SHISA9: variants seen among roughly 807,000 people sequenced by gnomAD.
SHISA9 encodes the protein protein shisa-9.
A neutral mutation model predicts 38.0 loss-of-function variants in SHISA9; 13 were observed. The ratio of observed to expected loss-of-function variants is 0.34; its 90% CI spans 0.22 to 0.54. SHISA9 has a LOEUF of 0.54. SHISA9 is among the 20% of genes least tolerant of loss of function. The pLI is 0.91. For synonymous variants in SHISA9, 275 were observed against 242.0 expected, an observed-to-expected ratio of 1.14 and a Z score of -1.27; for missense variants, 538 against 575.8, an observed-to-expected ratio of 0.93 and a Z score of 0.67.
At chr16:13,495,064 G>A in the SHISA9 span, among the ~76,000 whole-genome samples, 1 of 152,132 alleles carries the variant, frequency 6.6e-6, no homozygotes, top group African/African-American at 2.4e-5. Flanking sequence ...TTGTTGCCAA[G>A]GTATAAAGAC....
chr16:13,357,931 A>G, the SHISA9 span, among the ~76,000 whole-genome samples: 8 of 152,092 alleles, frequency 5.3e-5, no homozygotes, highest in Non-Finnish European at 1.2e-4. Flanking sequence ...GTGGAATGTC[A>G]TCAGTTAAGG....
the SHISA9 span, among the ~76,000 whole-genome samples, chr16:13,545,865 T>C: frequency 2.0e-5 from 3 of 152,136 alleles, no homozygotes; most frequent in African/African-American, 7.2e-5. Flanking sequence ...TGGGCCACAA[T>C]GATTGGTTCA....
intron 2 of SHISA9, among the ~76,000 whole-genome samples, chr16:12,934,141 G>A (rs1414822102): frequency 2.0e-5 from 3 of 152,192 alleles, no homozygotes; most frequent in African/African-American, 7.2e-5. Flanking sequence ...CTGAAGTCTG[G>A]CAAGGGAGGG....
At chr16:13,043,238 G>C (rs1181047816) in intron 2 of SHISA9, among the ~76,000 whole-genome samples, 1 of 152,114 alleles carries the variant, frequency 6.6e-6, no homozygotes, top group Non-Finnish European at 1.5e-5. Context: ...TCCCGTGGGA[G>C]GTCTCAACAG....
At chr16:13,259,623 C>G in the SHISA9 span, among the ~76,000 whole-genome samples, 8 of 152,218 alleles carry the variant, frequency 5.3e-5, no homozygotes, top group Non-Finnish European at 8.8e-5. Flanking sequence ...GCCAAGGTTC[C>G]CAAACCTCAG....
At chr16:12,939,504 T>G (rs961946) in intron 2 of SHISA9, among the ~76,000 whole-genome samples, 1 of 152,160 alleles carries the variant, frequency 6.6e-6, no homozygotes, top group East Asian at 1.9e-4. Context: ...GTACTTTGAA[T>G]GGAATCCTGC....
chr16:13,272,750 T>A, the SHISA9 span, among the ~76,000 whole-genome samples: 10 of 152,360 alleles, frequency 6.6e-5, no homozygotes, highest in African/African-American at 2.2e-4. Flanking sequence ...TTGGAAGATG[T>A]ACAACAGTTA....
intron 2 of SHISA9, among the ~76,000 whole-genome samples, chr16:13,105,232 A>T (rs2073914999): frequency 6.6e-6 from 1 of 152,238 alleles, no homozygotes; most frequent in African/African-American, 2.4e-5. Context: ...GTATACGGCT[A>T]GCAAAATAAT....
At chr16:13,051,053 C>A (rs373201004) in intron 2 of SHISA9, among the ~76,000 whole-genome samples, 1 of 152,128 alleles carries the variant, frequency 6.6e-6, no homozygotes, top group East Asian at 1.9e-4. Context: ...GGTGAATATT[C>A]CTTGAGGTGA....
chr16:12,976,756 A>G (rs749016115), intron 2 of SHISA9, among the ~76,000 whole-genome samples: 3 of 152,142 alleles, frequency 2.0e-5, no homozygotes, highest in Admixed American at 1.3e-4. Context: ...ACAGCAAAAC[A>G]TCATGGTTGA....
At chr16:13,267,144 C>T in the SHISA9 span, among the ~76,000 whole-genome samples, 1 of 151,992 alleles carries the variant, frequency 6.6e-6, no homozygotes, top group African/African-American at 2.4e-5. Flanking sequence ...CAAGTGGGAC[C>T]ATATTCTAAG....
the SHISA9 span, among the ~76,000 whole-genome samples, chr16:13,398,320 A>G: frequency 6.6e-6 from 1 of 152,122 alleles, no homozygotes; most frequent in Non-Finnish European, 1.5e-5. Context: ...CCCCTTCTGT[A>G]TCAGTAAGCT....
the SHISA9 span, among the ~76,000 whole-genome samples, chr16:13,437,021 T>C: frequency 6.6e-6 from 1 of 152,238 alleles, no homozygotes; most frequent in South Asian, 2.1e-4. Context: ...ACTTACTCAT[T>C]TTCATGAGAA....
chr16:13,317,025 T>C, the SHISA9 span, among the ~76,000 whole-genome samples: 6 of 152,214 alleles, frequency 3.9e-5, no homozygotes, highest in Non-Finnish European at 8.8e-5. Context: ...GCTTCACACA[T>C]TACAGCTTCC....
chr16:13,472,639 A>G, the SHISA9 span, among the ~76,000 whole-genome samples: 2 of 151,730 alleles, frequency 1.3e-5, no homozygotes, highest in Non-Finnish European at 2.9e-5. Flanking sequence ...TGATCCGCCC[A>G]CCTCGGCCTC....
At chr16:13,537,209 C>T in the SHISA9 span, among the ~76,000 whole-genome samples, 1 of 152,238 alleles carries the variant, frequency 6.6e-6, no homozygotes, top group Non-Finnish European at 1.5e-5. Context: ...GGGCAAATCA[C>T]TTGAGGTCAG....
At chr16:13,281,443 T>C in the SHISA9 span, among the ~76,000 whole-genome samples, 15 of 151,770 alleles carry the variant, frequency 9.9e-5, no homozygotes, top group Non-Finnish European at 1.6e-4. Context: ...TATGATGACT[T>C]CTTCCTTTTA....
the SHISA9 span, among the ~76,000 whole-genome samples, chr16:13,367,712 G>GCACGCACA: frequency 4.8e-5 from 5 of 104,640 alleles, no homozygotes; most frequent in African/African-American, 1.0e-4. Context: ...GCGCGCGCGC[G>GCACGCACA]CACACACACA....
the SHISA9 span, among the ~76,000 whole-genome samples, chr16:13,447,783 A>G: frequency 5.9e-5 from 9 of 152,336 alleles, no homozygotes; most frequent in Non-Finnish European, 8.8e-5. Context: ...TCTATCCCAC[A>G]TGTTGAAAGA....
Sources: allele counts gnomAD v4.1 joint callset (sites outside exome capture counted in the v4.1 genomes callset), GRCh38; gene constraint gnomAD v4.1.1; transcripts MANE v1.5; gene names NCBI Gene and HGNC (gene_info 2026-07-23, HGNC 2026-07-21).